Variants in ZNF620 observed in about 807,000 individuals in gnomAD.
ZNF620 encodes the protein zinc finger protein 620.
ZNF620 carries 10 observed loss-of-function variants against 13.3 expected under a neutral mutation model. The ratio of observed to expected loss-of-function variants is 0.75; its 90% CI spans 0.46 to 1.28. ZNF620 has a LOEUF of 1.28. ZNF620 is among the 50% of genes most tolerant of loss of function. The probability of loss-of-function intolerance (pLI) is 0.00; values close to 1 mark genes in which losing one functional copy is unlikely to be tolerated. For missense variants in ZNF620, 461 were observed against 500.2 expected (o/e 0.92, Z 0.75); for synonymous variants, 166 against 177.6 (o/e 0.93, Z 0.52).
chr3:40,515,876 T>C lies in ZNF620; in HGVS notation c.282T>C (p.Thr94=). 6.2e-7 allele frequency: 1 copy of C among 1,609,332 alleles called. No individual in the cohort carries two copies. The highest frequency in any genetic ancestry group is 1.1e-5 in the South Asian group (1 of 90,578). Residue 94 remains threonine (T), a synonymous_variant, in exon 5 of 5, where the codon ACT becomes ACC. Coordinates refer to ENST00000314529, the MANE Select transcript of ZNF620 (RefSeq NM_175888.4). ...RGICPGDEAR[T]EKEGLTPKDH... ...TTGTGATAGGGGATGAGGCCAGAAC[T>C]GAGAAGGAAGGATTAACTCCAAAGG...
chr3:40,507,054 A>G (rs1200974075), intron 2 of ZNF620, among the ~76,000 whole-genome samples: 3 of 141,054 alleles, frequency 2.1e-5, no homozygotes, highest in Non-Finnish European at 4.6e-5. Flanking sequence ...GATTTTGACA[A>G]TTGCTTTTTC....
intron 2 of ZNF620, among the ~76,000 whole-genome samples, chr3:40,507,089 G>GTT (rs370195603): frequency 0.026 from 2,534 of 98,114 alleles, 160 homozygotes; most frequent in East Asian, 0.068. Flanking sequence ...TGACCATATG[G>GTT]TTTTTTTTTT....
chr3:40,509,852 T>G (rs1382875266), intron 2 of ZNF620, among the ~76,000 whole-genome samples: 4 of 152,170 alleles, frequency 2.6e-5, no homozygotes, highest in African/African-American at 9.7e-5. Flanking sequence ...GGTAGTAGCT[T>G]AGGGAATTAT....
In ZNF620 at chr3:40,512,594, T is replaced by C. The variant is rs369456731; in HGVS notation, c.265+79T>C. 1.7e-5 allele frequency: 18 copies of C among 1,041,108 alleles called. No individual in the cohort carries two copies. In the Middle Eastern group the frequency reaches 1.7e-3, roughly 97 times the overall value. 64.5% of individuals were successfully genotyped at this position (1,041,108 alleles called of 1,614,324 possible). The stretch of plus-strand genomic sequence containing the variant: ...TCACATTTCATTGTGCAAGAAGTGT[T>C]TCTTCTCTTGGGAGACTGTTTTTGT... On this transcript the variant is annotated intron_variant, in intron 4 of 4. Transcript: ENST00000314529.
At position 40,516,326 on chromosome 3, in the gene ZNF620, A is replaced by G. The variant is rs369955283; in HGVS notation, c.732A>G (p.Ile244Met). The G allele has an allele frequency of 3.0e-5, 48 of 1,614,120 alleles. No homozygotes were observed. The highest frequency in any genetic ancestry group is 3.7e-5 in the Non-Finnish European group (44 of 1,180,044). The part of the protein sequence containing the change: ...RYNSLLIRHQ[I>M]IHTGKKPFKC... The stretch of plus-strand genomic sequence containing the variant: ...ACTCATTACTTATTCGGCATCAGAT[A>G]ATTCACACTGGAAAGAAACCATTTA... Residue 244 changes from isoleucine (I) to methionine (M), a missense_variant, in exon 5 of 5, where the codon ATA becomes ATG. Ile to Met is a conservative substitution (Grantham distance 10, BLOSUM62 1). Coordinates refer to ENST00000314529, the MANE Select transcript of ZNF620 (RefSeq NM_175888.4).
intron 3 of ZNF620, 117 bp downstream of exon 3, chr3:40,511,713 C>T: frequency 2.2e-6 from 3 of 1,338,404 alleles, no homozygotes; most frequent in African/African-American, 1.5e-5. Flanking sequence ...CAAGAGTCTC[C>T]CTCTGTCGCC....
At chr3:40,514,797 A>G (rs1243094428) in intron 4 of ZNF620, among the ~76,000 whole-genome samples, 1 of 152,112 alleles carries the variant, frequency 6.6e-6, no homozygotes, top group Non-Finnish European at 1.5e-5. Context: ...CATAAAACAT[A>G]GTATATTTTT....
At position 40,510,448 on chromosome 3, in the gene ZNF620, C is replaced by G. The variant is rs534291476; in HGVS notation, c.25-1022C>G. ...GTATTCTCATTTTTCTGAGATGTCT[C>G]AGTTACATGCCTATGTGTAGATATT... On this transcript the variant is annotated intron_variant, in intron 2 of 4. Transcript: ENST00000314529. Among the ~76,000 whole-genome samples, 190 of 152,292 alleles carry G rather than the reference C, an allele frequency of 1.2e-3. 1 individual carries two copies. The highest frequency in any genetic ancestry group is 4.4e-3 in the African/African-American group (183 of 41,556).
Position 40,516,820 on chromosome 3 carries a change from T to C in ZNF620, c.1226T>C (p.Leu409Pro), listed in dbSNP as rs567214932. ...TTCAGCTGGTGTGGAAGATTCATTCTGCATCAGAAACTACACACTCAGAAG... is the reference window on the plus strand; with the variant it reads ...TTCAGCTGGTGTGGAAGATTCATTCCGCATCAGAAACTACACACTCAGAAG... ...KTFSWCGRFILHQKLHTQKTP... is the reference protein window; with the variant it reads ...KTFSWCGRFIPHQKLHTQKTP... The change falls in exon 5 of 5, where the codon CTG becomes CCG. Residue 409 changes from leucine to proline, a missense_variant. Coordinates refer to ENST00000314529, the MANE Select transcript of ZNF620 (RefSeq NM_175888.4). The C allele has an allele frequency of 6.2e-6, 10 of 1,613,274 alleles. No individual in the cohort carries two copies. The South Asian group carries it at 8.8e-5, about 14-fold the overall frequency.
At position 40,515,760 on chromosome 3, in the gene ZNF620, TTTC is replaced by T. The variant is rs796626118; in HGVS notation, c.266-93_266-91del. 1.2e-4 allele frequency: 166 copies of T among 1,426,736 alleles called. No individual in the cohort carries two copies. The African/African-American group carries it at 1.8e-3, about 16-fold the overall frequency. 88.4% of individuals were successfully genotyped at this position (1,426,736 alleles called of 1,614,324 possible). A position where few individuals can be genotyped will look rare whatever the true frequency, so the allele number is the denominator to read the frequency against. On this transcript the variant is annotated intron_variant, in intron 4 of 4. Transcript: ENST00000314529. ...GGCAAATTAGAACCACTTGATTCTG[TTTC>T]TTCTTCAGCACAGATATTGTGTGTG...
In ZNF620 at chr3:40,517,464, CTT is replaced by C. The variant is rs776359553; in HGVS notation, c.*602_*603del. On this transcript the variant is annotated 3_prime_UTR_variant, in exon 5 of 5. Transcript: ENST00000314529. ...TAGAGAGGCTGAGGCAGGAGAATCA[CTT>C]GAATCCCTGAGGCAGAGGTTGCAGT... The C allele has an allele frequency of 6.6e-6, 1 of 152,226 alleles. No individual in the cohort carries two copies. Among genetic ancestry groups the C allele is most frequent in the Non-Finnish European group, 1.5e-5 (1 of 68,036 alleles). The allele number at this position is 152,226 out of a possible 1,614,324, so 9.4% of individuals were successfully genotyped here. A position where few individuals can be genotyped will look rare whatever the true frequency, so the allele number is the denominator to read the frequency against.
chr3:40,506,511 A>T, intron 2 of ZNF620, 135 bp downstream of exon 2: 8 of 1,059,576 alleles, frequency 7.6e-6, no homozygotes, highest in Non-Finnish European at 1.1e-5. Flanking sequence ...AGGGATGGAG[A>T]GGTGAGAATG....
In ZNF620 at chr3:40,510,800, G is replaced by A. The variant is rs184385929; in HGVS notation, c.25-670G>A. Among the ~76,000 whole-genome samples the A allele has an allele frequency of 2.4e-3, 370 of 152,072 alleles. 5 individuals are homozygous for A. Among genetic ancestry groups the A allele is most frequent in the Non-Finnish European group, 2.3e-3 (153 of 67,990 alleles). On this transcript the variant is annotated intron_variant, in intron 2 of 4. Transcript: ENST00000314529. Reference sequence around the variant, plus strand: ...GTCTCACTCTGTCACCCAGGCTGGCGTACAGTGGTGCAAACACAGCTCACT... The same window carrying A: ...GTCTCACTCTGTCACCCAGGCTGGCATACAGTGGTGCAAACACAGCTCACT...
intron 4 of ZNF620, among the ~76,000 whole-genome samples, chr3:40,512,754 C>T (rs766327685): frequency 1.3e-5 from 2 of 152,162 alleles, no homozygotes; most frequent in African/African-American, 2.4e-5. Context: ...GTCCTCCTCA[C>T]AACCTGCCAA....
At position 40,511,507 on chromosome 3, in the gene ZNF620, C is replaced by T. The variant is rs1175373566; in HGVS notation, c.62C>T (p.Thr21Ile). The T allele has an allele frequency of 2.5e-6, 4 of 1,613,602 alleles. No homozygotes were observed. The highest frequency in any genetic ancestry group is 1.3e-5 in the African/African-American group (1 of 74,888). Residue 21 changes from threonine (T) to isoleucine (I), a missense_variant, in exon 3 of 5, where the codon ACC becomes ATC. Thr to Ile is a moderately conservative substitution (Grantham distance 89, BLOSUM62 -1). Coordinates refer to ENST00000314529, the MANE Select transcript of ZNF620 (RefSeq NM_175888.4). ...TTTGAGGATGTGGCTGTGTACTTCACCCAGAATGAATGGGCCAGCCTGGAC... is the reference window on the plus strand; with the variant it reads ...TTTGAGGATGTGGCTGTGTACTTCATCCAGAATGAATGGGCCAGCCTGGAC... ...VTFEDVAVYF[T>I]QNEWASLDSV... is the part of the protein sequence containing the mutation.
intron 4 of ZNF620, among the ~76,000 whole-genome samples, chr3:40,514,689 T>C (rs1486258254): frequency 6.6e-6 from 1 of 152,132 alleles, no homozygotes; most frequent in Admixed American, 6.6e-5. Flanking sequence ...TGAGAATCAC[T>C]TGAACCCAGG....
In ZNF620 at chr3:40,516,633, T is replaced by A. The variant is rs763250702; in HGVS notation, c.1039T>A (p.Ser347Thr). 6.2e-6 allele frequency: 10 copies of A among 1,613,636 alleles called. No homozygotes were observed. The Admixed American group carries it at 1.7e-4, about 27-fold the overall frequency. The change falls in exon 5 of 5, where the codon TCC becomes ACC. Residue 347 changes from serine (S) to threonine (T), a missense_variant. Ser to Thr is a moderately conservative substitution (Grantham distance 58). Transcript: ENST00000314529. The part of the protein sequence containing the change: ...ECKECGKRLS[S>T]NTALTQHQRI... The stretch of plus-strand genomic sequence containing the variant: ...TAAAGAGTGTGGAAAACGATTAAGC[T>A]CCAACACAGCCTTGACTCAGCATCA...
intron 4 of ZNF620, 39 bp from the exon 5 acceptor site, chr3:40,515,817 TGTGA>T (rs201061886): frequency 9.2e-6 from 10 of 1,086,778 alleles, no homozygotes; most frequent in East Asian, 7.9e-5. Flanking sequence ...TGTGTGTGTG[TGTGA>T]TATCAGGGAC....
rs1698007585 is a variant in ZNF620 at position 40,506,127 on chromosome 3, T to G, written c.-61T>G. The G allele has an allele frequency of 3.2e-6, 2 of 622,596 alleles. No individual in the cohort carries two copies. Among genetic ancestry groups the G allele is most frequent in the Admixed American group, 5.0e-5 (2 of 40,058 alleles). 38.6% of individuals were successfully genotyped at this position (622,596 alleles called of 1,614,324 possible). A position where few individuals can be genotyped will look rare whatever the true frequency, so the allele number is the denominator to read the frequency against. On this transcript the variant is annotated 5_prime_UTR_variant, in exon 1 of 5. Coordinates refer to ENST00000314529, the MANE Select transcript of ZNF620 (RefSeq NM_175888.4). Reference sequence around the variant, plus strand: ...GGATTCGCGGTCCGAGCTGAAGAGGTTCGCGGTCCGGGTAACTGATTGGTT... The same window carrying G: ...GGATTCGCGGTCCGAGCTGAAGAGGGTCGCGGTCCGGGTAACTGATTGGTT...
Sources: gnomAD v4.1 joint callset for allele counts (sites outside exome capture counted in the v4.1 genomes callset) on GRCh38, gnomAD v4.1.1 for gene constraint, MANE v1.5 for transcripts, NCBI Gene and HGNC (gene_info 2026-07-23, HGNC 2026-07-21) for gene names.